OSBPL8: variants seen among roughly 807,000 people sequenced by gnomAD.
OSBPL8 encodes the protein oxysterol binding protein like 8.
A neutral mutation model predicts 125.5 loss-of-function variants in OSBPL8; 59 were observed. The ratio of observed to expected loss-of-function variants is 0.47; its 90% confidence interval spans 0.38 to 0.58. The LOEUF is 0.58. OSBPL8 is among the 20% of genes least tolerant of loss of function. OSBPL8 has a pLI of 0.00. For synonymous variants in OSBPL8, 330 were observed against 338.9 expected (o/e 0.97, Z 0.29); for missense variants, 758 against 1,047.8 (o/e 0.72, Z 3.82).
intron 1 of OSBPL8, among the ~76,000 whole-genome samples, chr12:76,535,171 T>A (rs1302292951): frequency 6.6e-6 from 1 of 152,054 alleles, no homozygotes; most frequent in Non-Finnish European, 1.5e-5. Flanking sequence ...AAAAAGTTTT[T>A]AAAAAAGGCA....
chr12:76,391,681 T>G (rs1953564546), intron 10 of OSBPL8, among the ~76,000 whole-genome samples: 1 of 152,136 alleles, frequency 6.6e-6, no homozygotes, highest in Non-Finnish European at 1.5e-5. Flanking sequence ...GAAGATGGCT[T>G]GAGCCCAGGA....
intron 1 of OSBPL8, among the ~76,000 whole-genome samples, chr12:76,540,330 A>C (rs2137415779): frequency 6.6e-6 from 1 of 152,170 alleles, no homozygotes; most frequent in East Asian, 1.9e-4. Flanking sequence ...AGGTCTCTTG[A>C]GTCTAAGTCT....
At chr12:76,376,295 T>A (rs946110130) in intron 16 of OSBPL8, among the ~76,000 whole-genome samples, 26 of 152,354 alleles carry the variant, frequency 1.7e-4, no homozygotes, top group African/African-American at 6.3e-4. Flanking sequence ...CTGCTGTTGG[T>A]CTAAGATGCT....
chr12:76,511,019 T>C (rs569000382), intron 1 of OSBPL8, among the ~76,000 whole-genome samples: 2 of 152,354 alleles, frequency 1.3e-5, no homozygotes, highest in African/African-American at 4.8e-5. Context: ...GTAAACTGAT[T>C]AGTATAATAT....
chr12:76,386,796 T>C (rs931198691), intron 12 of OSBPL8, 136 bp from the exon 13 acceptor site: 1 of 581,154 alleles, frequency 1.7e-6, no homozygotes, highest in African/African-American at 1.9e-5. Context: ...AAAACAACCA[T>C]GTAATCAATT....
chr12:76,448,016 T>C (rs527585567), intron 4 of OSBPL8, among the ~76,000 whole-genome samples: 9 of 152,328 alleles, frequency 5.9e-5, no homozygotes, highest in Admixed American at 1.3e-4. Context: ...AATTTAAATA[T>C]AGACTAGGTG....
At chr12:76,492,416 T>C (rs190458375) in intron 1 of OSBPL8, among the ~76,000 whole-genome samples, 1 of 152,304 alleles carries the variant, frequency 6.6e-6, no homozygotes, top group Admixed American at 6.5e-5. Flanking sequence ...TCATATTTGG[T>C]CCTGTGGGCC....
intron 1 of OSBPL8, among the ~76,000 whole-genome samples, chr12:76,511,778 C>T (rs1881020345): frequency 6.6e-6 from 1 of 152,154 alleles, no homozygotes; most frequent in South Asian, 2.1e-4. Context: ...CTTCTGATGT[C>T]TTTGTCATAA....
At chr12:76,541,163 ATAAG>A (rs1371628086) in intron 1 of OSBPL8, among the ~76,000 whole-genome samples, 7 of 152,214 alleles carry the variant, frequency 4.6e-5, no homozygotes, top group African/African-American at 7.2e-5. Flanking sequence ...TTTGTAATAA[ATAAG>A]TATTTGCAAT....
At chr12:76,437,887 GTTATT>G (rs1191450768) in intron 4 of OSBPL8, among the ~76,000 whole-genome samples, 1 of 151,950 alleles carries the variant, frequency 6.6e-6, no homozygotes, top group Non-Finnish European at 1.5e-5. Context: ...CTTATTTTCT[GTTATT>G]TTAAGTAGTG....
At chr12:76,434,658 A>T (rs191373188) in intron 4 of OSBPL8, among the ~76,000 whole-genome samples, 3 of 152,334 alleles carry the variant, frequency 2.0e-5, no homozygotes, top group South Asian at 2.1e-4. Flanking sequence ...ACAAAAATTT[A>T]AAAAATGAAA....
chr12:76,529,528 G>GAAAAA (rs200831955), intron 1 of OSBPL8, among the ~76,000 whole-genome samples: 1 of 117,800 alleles, frequency 8.5e-6, no homozygotes, highest in Non-Finnish European at 1.8e-5. Flanking sequence ...CTACCAAACA[G>GAAAAA]AAAAAAAAAA....
chr12:76,375,226 T>A (rs1005182823), intron 17 of OSBPL8, 47 bp downstream of exon 17: 18 of 1,259,692 alleles, frequency 1.4e-5, no homozygotes, highest in Non-Finnish European at 1.9e-5. Flanking sequence ...ATATTTATTG[T>A]ATGGCTCTCC....
intron 4 of OSBPL8, among the ~76,000 whole-genome samples, chr12:76,427,878 G>C (rs1431753301): frequency 6.6e-6 from 1 of 151,952 alleles, no homozygotes; most frequent in Non-Finnish European, 1.5e-5. Context: ...AAATCAGTTT[G>C]GTGGGTCACA....
intron 2 of OSBPL8, among the ~76,000 whole-genome samples, chr12:76,469,709 T>C (rs1440003660): frequency 6.6e-6 from 1 of 152,216 alleles, no homozygotes; most frequent in African/African-American, 2.4e-5. Flanking sequence ...CTTCTTACCC[T>C]GCTTTATTTT....
chr12:76,550,673 C>T (rs917523390), intron 1 of OSBPL8, among the ~76,000 whole-genome samples: 28 of 152,256 alleles, frequency 1.8e-4, no homozygotes, highest in African/African-American at 6.0e-4. Flanking sequence ...CTGGGCCGTG[C>T]GCAGCTCACC....
At chr12:76,456,824 C>A (rs903951768) in intron 3 of OSBPL8, among the ~76,000 whole-genome samples, 1 of 151,978 alleles carries the variant, frequency 6.6e-6, no homozygotes, top group African/African-American at 2.4e-5. Flanking sequence ...CAGTACTATA[C>A]CATATTTATT....
chr12:76,402,729 C>T lies in OSBPL8; in HGVS notation c.326G>A (p.Ser109Asn). ...SKLYNGSEKD[S>N]STSSKLTKKE... Reference sequence around the variant, plus strand: ...TTTTGTGAGTTTGCTTGAAGTTGAACTGTCCTTCTCTGAGCCATTATAAAG... The same window carrying T: ...TTTTGTGAGTTTGCTTGAAGTTGAATTGTCCTTCTCTGAGCCATTATAAAG... Residue 109 changes from serine to asparagine, a missense_variant, in exon 6 of 24, where the codon AGT becomes AAT. Around this residue, in one of 3 missense-constraint regions of OSBPL8, gnomAD observed 117 missense variants for 137.1 expected, o/e 0.85. Coordinates refer to ENST00000261183, the MANE Select transcript of OSBPL8 (RefSeq NM_020841.5). The T allele has an allele frequency of 6.2e-7, 1 of 1,607,982 alleles. No homozygotes were observed. The highest frequency in any genetic ancestry group is 8.5e-7 in the Non-Finnish European group (1 of 1,174,954).
intron 21 of OSBPL8, among the ~76,000 whole-genome samples, chr12:76,360,260 C>A (rs778201686): frequency 1.9e-4 from 29 of 152,338 alleles, no homozygotes; most frequent in Admixed American, 5.2e-4. Context: ...CCATGCAAGT[C>A]TGAGATCCAG....
Sources: gnomAD v4.1 joint callset for allele counts (sites outside exome capture counted in the v4.1 genomes callset) on GRCh38, gnomAD v4.1.1 for gene constraint, gnomAD v4.1.1 regional missense constraint, MANE v1.5 for transcripts, NCBI Gene and HGNC (gene_info 2026-07-23, HGNC 2026-07-21) for gene names.